Variants in FTO observed in about 807,000 individuals in gnomAD.
FTO encodes alpha-ketoglutarate-dependent dioxygenase FTO.
In FTO, 47 loss-of-function variants were observed where a neutral mutation model predicts 63.9. The observed-to-expected ratio is 0.74, with a 90% CI of 0.58 to 0.94. The LOEUF (loss-of-function observed/expected upper bound fraction) is 0.94, where lower values mean the gene tolerates loss of function less well. Ranked by LOEUF, FTO falls within the 40% of genes least tolerant of loss-of-function variation. The probability of loss-of-function intolerance (pLI) is 0.00; values close to 1 mark genes in which losing one functional copy is unlikely to be tolerated. For missense variants in FTO, 562 were observed against 618.1 expected (o/e 0.91, Z 0.96); for synonymous variants, 207 against 224.4 (o/e 0.92, Z 0.69).
At chr16:54,081,397 C>T (rs2086137270) in intron 8 of FTO, among the ~76,000 whole-genome samples, 1 of 152,136 alleles carries the variant, frequency 6.6e-6, no homozygotes, top group South Asian at 2.1e-4. Context: ...CTAAACTAGC[C>T]ATGCAGGTAT....
intron 1 of FTO, among the ~76,000 whole-genome samples, chr16:53,735,586 A>G (rs2076374616): frequency 6.6e-6 from 1 of 152,212 alleles, no homozygotes; most frequent in African/African-American, 2.4e-5. Flanking sequence ...GCAAAAACAA[A>G]TCTGCTCTTA....
At chr16:53,897,671 C>T (rs2081307945) in intron 7 of FTO, among the ~76,000 whole-genome samples, 1 of 151,998 alleles carries the variant, frequency 6.6e-6, no homozygotes, top group Non-Finnish European at 1.5e-5. Context: ...TGGCATATAC[C>T]AATGCTTGTA....
chr16:54,056,619 A>G (rs1380434183), intron 8 of FTO, among the ~76,000 whole-genome samples: 17 of 152,180 alleles, frequency 1.1e-4, no homozygotes, highest in Admixed American at 3.3e-4. Flanking sequence ...GAGCAACCCT[A>G]TGGAGAAGCC....
chr16:54,116,612 G>A lies in FTO; in HGVS notation c.*4697G>A, dbSNP rs2086976620. 1 of 151,910 alleles carries A rather than the reference G, an allele frequency of 6.6e-6. No individual in the cohort carries two copies. Among genetic ancestry groups the A allele is most frequent in the Non-Finnish European group, 1.5e-5 (1 of 67,994 alleles). 9.4% of individuals were successfully genotyped at this position (151,910 alleles called of 1,614,324 possible). On this transcript the variant is annotated 3_prime_UTR_variant, in exon 9 of 9. Transcript: ENST00000471389. ...TGTAGGGAAAGCCGGGCAGCTTGCA[G>A]AGGATGGGTGGGAGGAGGGGAAGCC...
intron 1 of FTO, among the ~76,000 whole-genome samples, chr16:53,725,048 AT>A (rs1463331996): frequency 6.6e-6 from 1 of 152,172 alleles, no homozygotes; most frequent in Non-Finnish European, 1.5e-5. Flanking sequence ...TTTTGAAGTC[AT>A]TTTAACTTTT....
At chr16:53,803,074 C>G (rs2078267147) in intron 1 of FTO, among the ~76,000 whole-genome samples, 1 of 152,138 alleles carries the variant, frequency 6.6e-6, no homozygotes, top group Non-Finnish European at 1.5e-5. Flanking sequence ...TATTGTCTTG[C>G]CTTGTAGTAT....
intron 6 of FTO, among the ~76,000 whole-genome samples, chr16:53,886,272 G>C (rs757004375): frequency 5.3e-5 from 8 of 152,174 alleles, no homozygotes; most frequent in Non-Finnish European, 7.4e-5. Context: ...TCTATTTCCA[G>C]AGTCACCATG....
chr16:53,853,228 C>T (rs1266430066), intron 4 of FTO, among the ~76,000 whole-genome samples: 2 of 152,100 alleles, frequency 1.3e-5, no homozygotes, highest in East Asian at 1.9e-4. Context: ...TCCCTTGAAC[C>T]TGTTAGGCGG....
intron 8 of FTO, among the ~76,000 whole-genome samples, chr16:53,969,704 A>G (rs1415932330): frequency 1.3e-5 from 2 of 152,260 alleles, no homozygotes; most frequent in East Asian, 1.9e-4. Flanking sequence ...TGCCCCTGGG[A>G]AAAGAAAAAT....
intron 8 of FTO, among the ~76,000 whole-genome samples, chr16:54,095,119 G>A (rs1353207697): frequency 6.6e-6 from 1 of 152,056 alleles, no homozygotes; most frequent in African/African-American, 2.4e-5. Flanking sequence ...TACCAAAGGT[G>A]GTTTCAAACT....
chr16:53,924,053 T>C (rs1267263737), intron 7 of FTO, among the ~76,000 whole-genome samples: 1 of 152,322 alleles, frequency 6.6e-6, no homozygotes, highest in Admixed American at 6.5e-5. Context: ...TTTTAGGATT[T>C]TGGGTTTTGT....
intron 6 of FTO, among the ~76,000 whole-genome samples, chr16:53,880,937 TAAAAA>T (rs34062544): frequency 3.0e-5 from 2 of 67,680 alleles, no homozygotes; most frequent in South Asian, 5.9e-4. Flanking sequence ...CCGTCTCTAC[TAAAAA>T]AAAAAAAAAA....
rs558329529 is a variant in FTO, at chr16:53,748,093, CT to C, written c.45+43865del. The stretch of plus-strand genomic sequence containing the variant: ...GGTTGGAAATAAGGTAGTGTGATGC[CT>C]CCAGCTTTGTTCTTTTTGTGCATGA... On this transcript the variant is annotated intron_variant, in intron 1 of 8. Transcript: ENST00000471389. 4.1e-3 allele frequency among the ~76,000 whole-genome samples: 617 copies of C among 152,130 alleles called. 3 individuals are homozygous for C. The highest frequency in any genetic ancestry group is 0.024 in the Middle Eastern group (7 of 294).
chr16:53,971,577 G>A (rs7206456), intron 8 of FTO, among the ~76,000 whole-genome samples: 35,877 of 152,148 alleles, frequency 0.24, 4,503 homozygotes, highest in East Asian at 0.32. Context: ...TTTTGTGGAG[G>A]TTTTGTTTGC....
intron 1 of FTO, among the ~76,000 whole-genome samples, chr16:53,745,696 CTCA>C (rs1379188709): frequency 3.3e-5 from 5 of 152,272 alleles, no homozygotes; most frequent in South Asian, 2.1e-4. Context: ...TTACCATTTT[CTCA>C]TCATGTTCTC....
intron 8 of FTO, among the ~76,000 whole-genome samples, chr16:54,093,193 C>T (rs1356929481): frequency 2.6e-5 from 4 of 152,200 alleles, no homozygotes; most frequent in Admixed American, 6.5e-5. Flanking sequence ...AACTTACTGG[C>T]GGATGCCTTT....
intron 7 of FTO, among the ~76,000 whole-genome samples, chr16:53,922,645 C>T (rs899706656): frequency 7.2e-5 from 11 of 152,304 alleles, no homozygotes; most frequent in African/African-American, 2.6e-4. Flanking sequence ...TCCCCTCAGA[C>T]TGAAAGTAAC....
chr16:53,840,131 A>G (rs2079432387), intron 3 of FTO, among the ~76,000 whole-genome samples: 1 of 151,970 alleles, frequency 6.6e-6, no homozygotes, highest in African/African-American at 2.4e-5. Context: ...TTTTGTGTGG[A>G]CTTCAATGGT....
intron 3 of FTO, among the ~76,000 whole-genome samples, chr16:53,840,280 C>T (rs932274711): frequency 6.6e-6 from 1 of 151,928 alleles, no homozygotes; most frequent in African/African-American, 2.4e-5. Context: ...CTTGGGTTAT[C>T]ACAAATATAA....
Sources: gnomAD v4.1 joint callset for allele counts (sites outside exome capture counted in the v4.1 genomes callset) on GRCh38, gnomAD v4.1.1 for gene constraint, MANE v1.5 for transcripts, NCBI Gene and HGNC (gene_info 2026-07-23, HGNC 2026-07-21) for gene names.